The following ISOC2 variants were observed in gnomAD, a reference collection of about 807,000 sequenced individuals.
The protein encoded by ISOC2 is isochorismatase domain-containing protein 2.
A neutral mutation model predicts 19.3 loss-of-function variants in ISOC2; 15 were observed. The ratio of observed to expected loss-of-function variants is 0.78; its 90% CI spans 0.52 to 1.20. The LOEUF (loss-of-function observed/expected upper bound fraction) is 1.20, where lower values mean the gene tolerates loss of function less well. ISOC2 is among the 50% of genes most tolerant of loss of function. ISOC2 has a pLI of 0.00. For synonymous variants in ISOC2, 106 were observed against 115.8 expected, an observed-to-expected ratio of 0.92 and a Z score of 0.54; for missense variants, 285 against 272.4, an observed-to-expected ratio of 1.05 and a Z score of -0.33.
chr19:55,457,993 G>A (rs1441223776), intron 1 of ISOC2, among the ~76,000 whole-genome samples: 2 of 151,114 alleles, frequency 1.3e-5, no homozygotes, highest in Non-Finnish European at 2.9e-5. Flanking sequence ...GACTATGAAT[G>A]CCACTCCACT....
At chr19:55,454,841 G>A (rs1985990560) in intron 5 of ISOC2, 148 bp downstream of exon 5, 2 of 684,760 alleles carry the variant, frequency 2.9e-6, no homozygotes, top group Non-Finnish European at 5.3e-6. Flanking sequence ...ATGGATTTAT[G>A]GCAGTGACAG....
chr19:55,460,468 GAA>G (rs771074997), intron 1 of ISOC2, among the ~76,000 whole-genome samples: 26 of 152,286 alleles, frequency 1.7e-4, no homozygotes, highest in Non-Finnish European at 2.8e-4. Flanking sequence ...TGTTTCTTCT[GAA>G]TTCTGGACAA....
chr19:55,453,456 AG>A, intron 5 of ISOC2, 68 bp from the exon 6 acceptor site: 1 of 1,104,584 alleles, frequency 9.1e-7, no homozygotes, highest in South Asian at 1.8e-5. Flanking sequence ...GACAAATCTG[AG>A]GGACACCTCT....
intron 3 of ISOC2, 151 bp from the exon 4 acceptor site, chr19:55,455,481 A>C: frequency 8.5e-7 from 1 of 1,170,704 alleles, no homozygotes; most frequent in Non-Finnish European, 1.2e-6. Context: ...GAGGGGATCC[A>C]AGATAGGATG....
chr19:55,455,458 GC>G, intron 3 of ISOC2, 128 bp from the exon 4 acceptor site: 4 of 1,345,606 alleles, frequency 3.0e-6, no homozygotes, highest in African/African-American at 1.4e-5. Flanking sequence ...AGAGGAAGGG[GC>G]CCCCAGGTCA....
At chr19:55,453,606 C>T (rs555837586) in intron 5 of ISOC2, 10 of 410,876 alleles carry the variant, frequency 2.4e-5, no homozygotes, top group Non-Finnish European at 4.3e-5. Context: ...GTGTGCTTTG[C>T]GGGCTTGGAC....
In ISOC2 at chr19:55,453,396, G is replaced by T; in HGVS notation, c.538-8C>A. The T allele has an allele frequency of 6.3e-7, 1 of 1,592,098 alleles. No homozygotes were observed. Among genetic ancestry groups the T allele is most frequent in the Non-Finnish European group, 8.5e-7 (1 of 1,169,840 alleles). On this transcript the variant is annotated splice_region_variant and splice_polypyrimidine_tract_variant and intron_variant, in intron 5 of 5. Transcript: ENST00000425675. ...CTTGATGAGTTTCTGGATCTGTAAG[G>T]GCAGGGGGCGATGGGTCAGGAAGCG...
At position 55,453,054 on chromosome 19, in the gene ISOC2, C is replaced by A; in HGVS notation, c.*254G>T. ...CTGAGACTCTTCTTCCCCTCCCCTT[C>A]CCGCCCCGTGAAGTGGCCCGGGGCC... On this transcript the variant is annotated 3_prime_UTR_variant, in exon 6 of 6. Coordinates refer to ENST00000425675, the MANE Select transcript of ISOC2 (RefSeq NM_001136201.2). 1 of 441,894 alleles carries A rather than the reference C, an allele frequency of 2.3e-6. No individual in the cohort carries two copies. Among genetic ancestry groups the A allele is most frequent in the Non-Finnish European group, 4.0e-6 (1 of 249,350 alleles). 27.4% of individuals were successfully genotyped at this position (441,894 alleles called of 1,614,324 possible). A position where few individuals can be genotyped will look rare whatever the true frequency, so the allele number is the denominator to read the frequency against.
rs1986003277 is a variant in ISOC2, at chr19:55,455,125, G to A, written c.420-19C>T. ...CACCTGGCTGTGAGTGGGAGGGAGG[G>A]AGGGAAGGTTGGTGTGGACGCCGCA... is the stretch of plus-strand genomic sequence containing the variant. On this transcript the variant is annotated intron_variant, in intron 4 of 5. Transcript: ENST00000425675. 4 of 1,200,906 alleles carry A rather than the reference G, an allele frequency of 3.3e-6. No individual in the cohort carries two copies. In the South Asian group the frequency reaches 3.6e-5, roughly 11 times the overall value. The allele number at this position is 1,200,906 out of a possible 1,614,324, so 74.4% of individuals were successfully genotyped here.
intron 1 of ISOC2, among the ~76,000 whole-genome samples, chr19:55,460,509 T>C (rs1986199005): frequency 1.3e-5 from 2 of 152,154 alleles, no homozygotes; most frequent in Middle Eastern, 3.2e-3. Flanking sequence ...GTCAATACTA[T>C]ATACAATAAA....
At position 55,453,146 on chromosome 19, in the gene ISOC2, G is replaced by T. The variant is rs1328947769; in HGVS notation, c.*162C>A. 10 of 522,698 alleles carry T rather than the reference G, an allele frequency of 1.9e-5. No individual in the cohort carries two copies. The highest frequency in any genetic ancestry group is 4.1e-5 in the Admixed American group (1 of 24,596). The allele number at this position is 522,698 out of a possible 1,614,324, so 32.4% of individuals were successfully genotyped here. A position where few individuals can be genotyped will look rare whatever the true frequency, so the allele number is the denominator to read the frequency against. On this transcript the variant is annotated 3_prime_UTR_variant, in exon 6 of 6. Coordinates refer to ENST00000425675, the MANE Select transcript of ISOC2 (RefSeq NM_001136201.2). The stretch of plus-strand genomic sequence containing the variant: ...TTCCAGGAGTCTCATTTGCATTTCC[G>T]GGAGCAGCTGTCCAATGGGAAGGCA...
At position 55,461,634 on chromosome 19, in the gene ISOC2, C is replaced by G. The variant is rs1231792589; in HGVS notation, c.-126G>C. ...TTGCGGGCTTCCCAGGGCTGGTTAC[C>G]GTTTCGTTAGGGCTGGACACGTGGC... is the stretch of plus-strand genomic sequence containing the variant. On this transcript the variant is annotated 5_prime_UTR_variant, in exon 1 of 6. Transcript: ENST00000425675. 1.3e-5 allele frequency: 2 copies of G among 152,316 alleles called. No homozygotes were observed. Among genetic ancestry groups the G allele is most frequent in the Non-Finnish European group, 2.9e-5 (2 of 68,108 alleles). The allele number at this position is 152,316 out of a possible 1,614,324, so 9.4% of individuals were successfully genotyped here. A position where few individuals can be genotyped will look rare whatever the true frequency, so the allele number is the denominator to read the frequency against.
At position 55,459,505 on chromosome 19, in the gene ISOC2, A is replaced by T. The variant is rs142088964; in HGVS notation, c.-4+2007T>A. Among the ~76,000 whole-genome samples, 1,413 of 152,282 alleles carry T rather than the reference A, an allele frequency of 9.3e-3. 19 individuals are homozygous for T. Among genetic ancestry groups the T allele is most frequent in the African/African-American group, 0.031 (1,294 of 41,542 alleles). On this transcript the variant is annotated intron_variant, in intron 1 of 5. Coordinates refer to ENST00000425675, the MANE Select transcript of ISOC2 (RefSeq NM_001136201.2). ...TTCTCCTAGAGAAACTGACGACAGAAAAATGATCTTTTCACAAAACACAAA... is the reference window on the plus strand; with the variant it reads ...TTCTCCTAGAGAAACTGACGACAGATAAATGATCTTTTCACAAAACACAAA...
chr19:55,455,883 G>C, intron 2 of ISOC2, 38 bp from the exon 3 acceptor site: 2 of 1,464,970 alleles, frequency 1.4e-6, no homozygotes, highest in Non-Finnish European at 1.8e-6. Flanking sequence ...AGGGTCTGAG[G>C]GAGGAGGGGC....
At chr19:55,455,597 G>A (rs1036900900) in intron 3 of ISOC2, 39 bp downstream of exon 3, 5 of 1,502,444 alleles carry the variant, frequency 3.3e-6, no homozygotes, top group Non-Finnish European at 4.5e-6. Flanking sequence ...GGGGTCCCAG[G>A]TTAGAACGAG....
chr19:55,459,444 G>A (rs1028925736), intron 1 of ISOC2, among the ~76,000 whole-genome samples: 4 of 152,146 alleles, frequency 2.6e-5, no homozygotes, highest in African/African-American at 9.7e-5. Flanking sequence ...GTGGGATTTG[G>A]AGGGAGTCAG....
intron 5 of ISOC2, among the ~76,000 whole-genome samples, chr19:55,453,742 A>C (rs1478927820): frequency 2.0e-5 from 3 of 152,006 alleles, no homozygotes; most frequent in Non-Finnish European, 4.4e-5. Flanking sequence ...TTTGCCCCTG[A>C]ACTCGACTCA....
In ISOC2 at chr19:55,461,627, T is replaced by C. The variant is rs1016883398; in HGVS notation, c.-119A>G. On this transcript the variant is annotated 5_prime_UTR_variant, in exon 1 of 6. Coordinates refer to ENST00000425675, the MANE Select transcript of ISOC2 (RefSeq NM_001136201.2). ...AGGCCTCTTGCGGGCTTCCCAGGGC[T>C]GGTTACCGTTTCGTTAGGGCTGGAC... The C allele has an allele frequency of 6.6e-5, 10 of 152,340 alleles. No individual in the cohort carries two copies. Among genetic ancestry groups the C allele is most frequent in the African/African-American group, 2.4e-4 (10 of 41,456 alleles). The allele number at this position is 152,340 out of a possible 1,614,324, so 9.4% of individuals were successfully genotyped here.
At chr19:55,455,511 G>T (rs1216040156) in intron 3 of ISOC2, 125 bp downstream of exon 3, 19 of 1,114,212 alleles carry the variant, frequency 1.7e-5, no homozygotes, top group South Asian at 1.5e-4. Flanking sequence ...GGTGAGGAGA[G>T]AGGGCCCAGG....
Sources: allele counts gnomAD v4.1 joint callset (sites outside exome capture counted in the v4.1 genomes callset), GRCh38; gene constraint gnomAD v4.1.1; transcripts MANE v1.5; gene names NCBI Gene and HGNC (gene_info 2026-07-23, HGNC 2026-07-21).